Variants in IPO11 observed in about 807,000 individuals in gnomAD.
IPO11 encodes the protein importin-11.
In IPO11, 66 loss-of-function variants were observed where a neutral mutation model predicts 143.2. The ratio of observed to expected loss-of-function variants is 0.46; its 90% CI spans 0.38 to 0.57. The LOEUF (loss-of-function observed/expected upper bound fraction) is 0.57. Among genes scored for constraint, IPO11 ranks in the 20% least tolerant of loss-of-function variants. IPO11 has a pLI of 0.00. For synonymous variants in IPO11, 385 were observed against 377.8 expected (o/e 1.02, Z -0.22); for missense variants, 1,026 against 1,141.0 (o/e 0.90, Z 1.45).
chr5:62,469,535 A>G (rs1268087753), intron 6 of IPO11, among the ~76,000 whole-genome samples: 3 of 152,202 alleles, frequency 2.0e-5, no homozygotes, highest in Admixed American at 1.3e-4. Context: ...TTACACTGTC[A>G]CCATCCTTAT....
chr5:62,592,841 T>A (rs1402490333), intron 28 of IPO11, among the ~76,000 whole-genome samples: 1 of 152,102 alleles, frequency 6.6e-6, no homozygotes, highest in Non-Finnish European at 1.5e-5. Flanking sequence ...ATCGCCCCCA[T>A]GATTCAGTTA....
Position 62,504,574 on chromosome 5 carries a change from C to G in IPO11, c.1591-93C>G, listed in dbSNP as rs1429217988. On this transcript the variant is annotated intron_variant, in intron 16 of 29. Coordinates refer to ENST00000325324, the MANE Select transcript of IPO11 (RefSeq NM_016338.5). ...TGTGACTCTAATAATAATAAGAGTACAGAAAGTGATTTGGAATAAAATTTT... is the reference window on the plus strand; with the variant it reads ...TGTGACTCTAATAATAATAAGAGTAGAGAAAGTGATTTGGAATAAAATTTT... 5.6e-6 allele frequency: 4 copies of G among 710,472 alleles called. No individual in the cohort carries two copies. The South Asian group carries it at 7.2e-5, about 13-fold the overall frequency. The allele number at this position is 710,472 out of a possible 1,614,324, so 44.0% of individuals were successfully genotyped here.
chr5:62,419,981 A>G (rs1008595989), intron 1 of IPO11, among the ~76,000 whole-genome samples: 1 of 152,120 alleles, frequency 6.6e-6, no homozygotes, highest in African/African-American at 2.4e-5. Context: ...ACCTCAGGTG[A>G]CAGAGATCGT....
intron 1 of IPO11, among the ~76,000 whole-genome samples, chr5:62,415,483 T>C (rs1410827623): frequency 6.9e-6 from 1 of 145,718 alleles, no homozygotes; most frequent in Non-Finnish European, 1.5e-5. Context: ...TTTTTTTTTT[T>C]TTGAGATGGA....
At chr5:62,580,040 A>G (rs1744487308) in intron 27 of IPO11, 1 of 1,551,244 alleles carries the variant, frequency 6.4e-7, no homozygotes, top group Non-Finnish European at 8.7e-7. Flanking sequence ...TCAGGCTTTC[A>G]ACATCTTGAA....
intron 14 of IPO11, 121 bp from the exon 15 acceptor site, chr5:62,489,994 C>A: frequency 2.2e-6 from 1 of 452,778 alleles, no homozygotes; most frequent in Non-Finnish European, 3.9e-6. Flanking sequence ...ATTATTTCTA[C>A]TTAAATAATT....
chr5:62,489,441 T>A, intron 14 of IPO11, 92 bp downstream of exon 14: 17 of 754,486 alleles, frequency 2.3e-5, no homozygotes, highest in Non-Finnish European at 3.4e-5. Flanking sequence ...GGTGTTGAGA[T>A]ACAAGAGTAA....
chr5:62,424,148 T>TG (rs1266186922), intron 1 of IPO11, among the ~76,000 whole-genome samples: 3 of 150,884 alleles, frequency 2.0e-5, no homozygotes, highest in Non-Finnish European at 4.4e-5. Context: ...CTTTTTTTTT[T>TG]TTGTTTTTTG....
intron 29 of IPO11, among the ~76,000 whole-genome samples, chr5:62,618,775 G>T (rs894809181): frequency 6.6e-6 from 1 of 152,192 alleles, no homozygotes; most frequent in Non-Finnish European, 1.5e-5. Flanking sequence ...GCCGGGCACA[G>T]TGGTGGGCGC....
intron 20 of IPO11, among the ~76,000 whole-genome samples, chr5:62,521,263 C>T (rs895093480): frequency 3.3e-5 from 5 of 152,150 alleles, no homozygotes; most frequent in Non-Finnish European, 7.4e-5. Context: ...TGCAAAAATA[C>T]ATAGGAGGTA....
At chr5:62,605,739 A>ATTATTG (rs1168466531) in intron 29 of IPO11, among the ~76,000 whole-genome samples, 3 of 150,168 alleles carry the variant, frequency 2.0e-5, no homozygotes, top group African/African-American at 7.3e-5. Context: ...TATTATTATT[A>ATTATTG]TTTTATTTAC....
At chr5:62,466,044 A>T (rs886906859) in intron 5 of IPO11, among the ~76,000 whole-genome samples, 1 of 152,212 alleles carries the variant, frequency 6.6e-6, no homozygotes, top group African/African-American at 2.4e-5. Context: ...CTGAGAGGTG[A>T]TGAGAAACTG....
rs1741046813 is a variant in IPO11 at position 62,494,182 on chromosome 5, A to G, written c.1590+58A>G. 3 of 1,485,752 alleles carry G rather than the reference A, an allele frequency of 2.0e-6. 1 individual carries two copies. The highest frequency in any genetic ancestry group is 2.2e-4 in the Middle Eastern group (1 of 4,578). 92.0% of individuals were successfully genotyped at this position (1,485,752 alleles called of 1,614,324 possible). The stretch of plus-strand genomic sequence containing the variant: ...TTTTAAAGTTTCATCTGTGCAAATC[A>G]TCAAGTTCACAACAGTTTATGTCTT... On this transcript the variant is annotated intron_variant, in intron 16 of 29. Transcript: ENST00000325324.
At chr5:62,598,385 TTG>T (rs1561380344) in intron 28 of IPO11, among the ~76,000 whole-genome samples, 102 of 2,934 alleles carry the variant, frequency 0.035, 15 homozygotes, top group Non-Finnish European at 0.053. Flanking sequence ...GTTTGCTTGC[TTG>T]CTTGCTTTCT....
At chr5:62,508,069 C>A (rs1741616901) in intron 19 of IPO11, among the ~76,000 whole-genome samples, 1 of 152,226 alleles carries the variant, frequency 6.6e-6, no homozygotes, top group South Asian at 2.1e-4. Context: ...CCTTAACTCT[C>A]TTTAATATGC....
chr5:62,615,531 C>T (rs537313288), intron 29 of IPO11, among the ~76,000 whole-genome samples: 1 of 152,334 alleles, frequency 6.6e-6, no homozygotes, highest in East Asian at 1.9e-4. Flanking sequence ...TCTCATCCCC[C>T]AGGGATGTGC....
chr5:62,419,659 C>CTT (rs961148774), intron 1 of IPO11, among the ~76,000 whole-genome samples: 3 of 149,116 alleles, frequency 2.0e-5, no homozygotes, highest in African/African-American at 7.4e-5. Flanking sequence ...TTACAGTTAA[C>CTT]TTTTTTTTTT....
intron 27 of IPO11, among the ~76,000 whole-genome samples, chr5:62,584,653 G>C (rs1244800973): frequency 2.0e-5 from 3 of 147,078 alleles, no homozygotes; most frequent in African/African-American, 7.5e-5. Context: ...ATAGGAGCAG[G>C]TCACAGCAAT....
rs139324701 is a variant in IPO11, at chr5:62,435,794, T to C, written c.-6-1480T>C. Among the ~76,000 whole-genome samples the C allele has an allele frequency of 9.1e-3, 1,387 of 152,062 alleles. 20 individuals are homozygous for C. The highest frequency in any genetic ancestry group is 0.032 in the African/African-American group (1,308 of 41,502). The stretch of plus-strand genomic sequence containing the variant: ...CTGTAATCCCAGCACTTTGGGAGGC[T>C]GAGGCAGGCGGATCACCTGGGGTCA... On this transcript the variant is annotated intron_variant, in intron 1 of 29. Transcript: ENST00000325324.
Sources: gnomAD v4.1 joint callset for allele counts (sites outside exome capture counted in the v4.1 genomes callset) on GRCh38, gnomAD v4.1.1 for gene constraint, MANE v1.5 for transcripts, NCBI Gene and HGNC (gene_info 2026-07-23, HGNC 2026-07-21) for gene names.